The following G2E3 variants were observed in gnomAD, a reference collection of about 807,000 sequenced individuals.
G2E3 encodes the protein G2/M phase-specific E3 ubiquitin-protein ligase.
A neutral mutation model predicts 92.8 loss-of-function variants in G2E3; 35 were observed. The observed-to-expected ratio is 0.38, with a 90% CI of 0.29 to 0.50. G2E3 has a LOEUF of 0.50. Ranked by LOEUF, G2E3 falls within the 20% of genes least tolerant of loss-of-function variation. The pLI is 0.94. For missense variants in G2E3, 554 were observed against 823.8 expected, an observed-to-expected ratio of 0.67 and a Z score of 4.01; for synonymous variants, 242 against 272.4, an observed-to-expected ratio of 0.89 and a Z score of 1.10.
chr14:30,599,416 A>G (rs1039778251), intron 8 of G2E3, among the ~76,000 whole-genome samples: 8 of 152,008 alleles, frequency 5.3e-5, no homozygotes, highest in Admixed American at 5.2e-4. Flanking sequence ...TTTAGTAGAG[A>G]TCGGGTTTCA....
chr14:30,612,160 C>T (rs1261232973), intron 12 of G2E3, 47 bp from the exon 13 acceptor site: 3 of 1,383,976 alleles, frequency 2.2e-6, no homozygotes, highest in Non-Finnish European at 3.1e-6. Flanking sequence ...GTGCATGTCA[C>T]TCAAAAGTAA....
rs1428268299 is a variant in G2E3 at position 30,617,354 on chromosome 14, A to T, written c.*820A>T. 6.6e-6 allele frequency: 1 copy of T among 152,100 alleles called. No individual in the cohort carries two copies. The highest frequency in any genetic ancestry group is 1.5e-5 in the Non-Finnish European group (1 of 67,976). The allele number at this position is 152,100 out of a possible 1,614,324, so 9.4% of individuals were successfully genotyped here. A position where few individuals can be genotyped will look rare whatever the true frequency, so the allele number is the denominator to read the frequency against. On this transcript the variant is annotated 3_prime_UTR_variant, in exon 15 of 15. Coordinates refer to ENST00000206595, the MANE Select transcript of G2E3 (RefSeq NM_017769.5). ...GATAACATTTAGTTGAAAATACCTA[A>T]GAAAGTGTGTCTTCTTTAAAGCCTT...
Position 30,617,633 on chromosome 14 carries a change from G to A in G2E3, c.*1099G>A, listed in dbSNP as rs1882374878. On this transcript the variant is annotated 3_prime_UTR_variant, in exon 15 of 15. Coordinates refer to ENST00000206595, the MANE Select transcript of G2E3 (RefSeq NM_017769.5). ...AAGCAATGTATAAATAAAGTAAAAA[G>A]GATAGAATGAAAAACCCATTCTAAT... 6.6e-6 allele frequency: 1 copy of A among 151,974 alleles called. No homozygotes were observed. Among genetic ancestry groups the A allele is most frequent in the Non-Finnish European group, 1.5e-5 (1 of 67,920 alleles). 9.4% of individuals were successfully genotyped at this position (151,974 alleles called of 1,614,324 possible).
chr14:30,603,979 C>T (rs1881702228), intron 10 of G2E3, among the ~76,000 whole-genome samples: 1 of 152,222 alleles, frequency 6.6e-6, no homozygotes, highest in South Asian at 2.1e-4. Context: ...TACTATGCCA[C>T]TTGTGTTAGC....
At chr14:30,583,244 A>G (rs537465683) in intron 2 of G2E3, among the ~76,000 whole-genome samples, 30 of 152,350 alleles carry the variant, frequency 2.0e-4, no homozygotes, top group Non-Finnish European at 2.9e-4. Context: ...ATAAATAAAC[A>G]TGTAACAGAA....
intron 13 of G2E3, among the ~76,000 whole-genome samples, 198 bp from the exon 14 acceptor site, chr14:30,615,151 A>G (rs1212614981): frequency 3.3e-5 from 5 of 152,200 alleles, no homozygotes; most frequent in Admixed American, 2.6e-4. Flanking sequence ...ATTTGAAAGT[A>G]TCATGTGTAG....
intron 2 of G2E3, among the ~76,000 whole-genome samples, chr14:30,585,591 T>C (rs1052816324): frequency 5.9e-5 from 9 of 152,198 alleles, no homozygotes; most frequent in Admixed American, 5.2e-4. Flanking sequence ...CCCCCTTTTT[T>C]TTTTTGGTTA....
intron 11 of G2E3, among the ~76,000 whole-genome samples, chr14:30,607,673 G>C (rs1881894497): frequency 1.3e-5 from 2 of 151,958 alleles, no homozygotes; most frequent in South Asian, 4.2e-4. Flanking sequence ...GGTTTATTGT[G>C]TTTTATGTTT....
chr14:30,603,325 CAAAAA>C (rs1231084948), intron 10 of G2E3, among the ~76,000 whole-genome samples: 1 of 62,866 alleles, frequency 1.6e-5, no homozygotes, highest in East Asian at 4.7e-4. Flanking sequence ...GACTCTGTCT[CAAAAA>C]AAAAAAAAAA....
intron 1 of G2E3, among the ~76,000 whole-genome samples, chr14:30,575,787 A>C (rs879374315): frequency 1.3e-5 from 2 of 152,212 alleles, no homozygotes; most frequent in Non-Finnish European, 2.9e-5. Context: ...AAAAGAATGA[A>C]ATACCTAGGA....
chr14:30,605,482 A>C (rs1445399572), intron 10 of G2E3, 23 bp from the exon 11 acceptor site: 1 of 953,758 alleles, frequency 1.0e-6, no homozygotes, highest in Admixed American at 2.5e-5. Context: ...ACTTATCTCT[A>C]TATTTAAATT....
At chr14:30,572,886 A>G (rs1879848944) in intron 1 of G2E3, among the ~76,000 whole-genome samples, 1 of 152,216 alleles carries the variant, frequency 6.6e-6, no homozygotes, top group Non-Finnish European at 1.5e-5. Context: ...CATATAGAAC[A>G]TGAAGGAAAG....
chr14:30,593,514 T>C lies in G2E3; in HGVS notation c.403T>C (p.Ser135Pro), dbSNP rs1436999185. The change falls in exon 6 of 15, where the codon TCT becomes CCT. Residue 135 changes from serine (S) to proline (P), a missense_variant. Transcript: ENST00000206595. ...WDHRPVQIIT[S>P]NNYRESLPCT... ...CCATCGACCTGTTCAAATAATTACA[T>C]CTAATAATTATAGAGAGTCCTTACC... 1.3e-6 allele frequency: 2 copies of C among 1,552,858 alleles called. No individual in the cohort carries two copies. Among genetic ancestry groups the C allele is most frequent in the African/African-American group, 2.7e-5 (2 of 73,788 alleles).
chr14:30,588,995 A>C (rs1880864016), intron 3 of G2E3, among the ~76,000 whole-genome samples: 1 of 152,138 alleles, frequency 6.6e-6, no homozygotes, highest in Admixed American at 6.5e-5. Context: ...CACTGAATTA[A>C]TCTGAATTGT....
rs1882271444 is a variant in G2E3, at chr14:30,615,490, T to G, written c.1815T>G (p.Pro605=). The G allele has an allele frequency of 6.2e-7, 1 of 1,606,782 alleles. No homozygotes were observed. The highest frequency in any genetic ancestry group is 2.2e-5 in the East Asian group (1 of 44,586). Residue 605 remains proline, a synonymous_variant, in exon 14 of 15, where the codon CCT becomes CCG. Transcript: ENST00000206595. ...LSELFTVHTL[P]DVKALGFWNS... ...AGCTTTTTACAGTACACACATTACC[T>G]GATGTGAAAGCTTTGGGGTTTTGGA...
At chr14:30,570,682 C>A (rs1879705765) in intron 1 of G2E3, among the ~76,000 whole-genome samples, 1 of 152,030 alleles carries the variant, frequency 6.6e-6, no homozygotes, top group African/African-American at 2.4e-5. Flanking sequence ...TTTCTATTTC[C>A]TTTTTATCAT....
At chr14:30,587,279 A>G (rs535959660) in intron 3 of G2E3, among the ~76,000 whole-genome samples, 1 of 152,158 alleles carries the variant, frequency 6.6e-6, no homozygotes, top group Non-Finnish European at 1.5e-5. Flanking sequence ...CAGTTACTTT[A>G]TGTATCACTC....
chr14:30,592,502 T>G, intron 5 of G2E3, 55 bp downstream of exon 5: 3 of 1,297,362 alleles, frequency 2.3e-6, no homozygotes, highest in South Asian at 2.8e-5. Flanking sequence ...TAGTGGAAAA[T>G]ACATATCCCA....
chr14:30,589,049 G>A (rs572013773), intron 3 of G2E3, among the ~76,000 whole-genome samples: 1 of 152,048 alleles, frequency 6.6e-6, no homozygotes, highest in East Asian at 1.9e-4. Context: ...CTTAATTGTA[G>A]GTGTTCTTTC....
Sources: gnomAD v4.1 joint callset for allele counts (sites outside exome capture counted in the v4.1 genomes callset) on GRCh38, gnomAD v4.1.1 for gene constraint, MANE v1.5 for transcripts, NCBI Gene and HGNC (gene_info 2026-07-23, HGNC 2026-07-21) for gene names.